The following TRIM66 variants were observed in gnomAD, a reference collection of about 807,000 sequenced individuals.
The protein encoded by TRIM66 is tripartite motif containing 66, also known as tripartite motif-containing protein 66.
In TRIM66, 99 loss-of-function variants were observed where a neutral mutation model predicts 148.2. That is an observed-to-expected ratio of 0.67 (90% CI 0.57 to 0.79). The LOEUF (loss-of-function observed/expected upper bound fraction) is 0.79. Ranked by LOEUF, TRIM66 falls within the 30% of genes least tolerant of loss-of-function variation. The pLI, the probability that TRIM66 is intolerant of heterozygous loss-of-function variation, is 0.00. For synonymous variants in TRIM66, 616 were observed against 635.9 expected (o/e 0.97, Z 0.47); for missense variants, 1,666 against 1,697.9 (o/e 0.98, Z 0.33).
Position 8,640,773 on chromosome 11 carries a change from G to A in TRIM66, c.1602C>T (p.Thr534=). The A allele has an allele frequency of 1.3e-6, 2 of 1,551,306 alleles. No homozygotes were observed. Among genetic ancestry groups the A allele is most frequent in the South Asian group, 1.2e-5 (1 of 84,038 alleles). The change falls in exon 14 of 25, where the codon ACC becomes ACT. Residue 534 remains threonine (T), a synonymous_variant. Coordinates refer to ENST00000646038, the MANE Select transcript of TRIM66 (RefSeq NM_001388022.1). ...TGCTCTCCTGCTCCACGGGGGGCTGGGTTTCCAGCCAGGGCTGCAGCAGCT... is the reference window on the plus strand; with the variant it reads ...TGCTCTCCTGCTCCACGGGGGGCTGAGTTTCCAGCCAGGGCTGCAGCAGCT... ...PPKLLQPWLE[T]QPPVEQESTS...
rs141259325 is a variant in TRIM66, at chr11:8,648,360, C to G, written c.725+56G>C. 753 of 1,536,514 alleles carry G rather than the reference C, an allele frequency of 4.9e-4. 2 individuals are homozygous for G. In the African/African-American group the frequency reaches 9.5e-3, roughly 19 times the overall value. On this transcript the variant is annotated intron_variant, in intron 9 of 24. Transcript: ENST00000646038. ...TGCACGGGGATTCCCAGAGCTCTCACAAGTAAGAAATCCAGAGCCCTCCCC... is the reference window on the plus strand; with the variant it reads ...TGCACGGGGATTCCCAGAGCTCTCAGAAGTAAGAAATCCAGAGCCCTCCCC...
intron 6 of TRIM66, among the ~76,000 whole-genome samples, chr11:8,670,306 C>G (rs1292015784): frequency 6.6e-6 from 1 of 152,170 alleles, no homozygotes; most frequent in East Asian, 1.9e-4. Context: ...GCCACTGCAC[C>G]AGGCCTGATA....
intron 15 of TRIM66, among the ~76,000 whole-genome samples, chr11:8,635,134 G>A (rs980767251): frequency 6.6e-6 from 1 of 152,206 alleles, no homozygotes; most frequent in Non-Finnish European, 1.5e-5. Flanking sequence ...AGAAAGAGAA[G>A]CAATTTAACC....
chr11:8,646,682 C>A, intron 10 of TRIM66, 121 bp from the exon 11 acceptor site: 2 of 691,594 alleles, frequency 2.9e-6, no homozygotes, highest in Admixed American at 5.4e-5. Flanking sequence ...CTAGCAGACA[C>A]CAAATACAAA....
At chr11:8,670,265 G>C (rs1297965405) in intron 6 of TRIM66, among the ~76,000 whole-genome samples, 1 of 152,086 alleles carries the variant, frequency 6.6e-6, no homozygotes, top group East Asian at 1.9e-4. Context: ...CGCTGCCTTG[G>C]CCTCCCAAAG....
At position 8,682,655 on chromosome 11, in the gene TRIM66, A is replaced by G. The variant is rs1212259872; in HGVS notation, c.-602T>C. On this transcript the variant is annotated 5_prime_UTR_variant, in exon 1 of 25. Coordinates refer to ENST00000646038, the MANE Select transcript of TRIM66 (RefSeq NM_001388022.1). ...CGTGATGGGGGATCACCACCCTCAGAAAGAGGAAGCGACTAGCAGGCGCGC... is the reference window on the plus strand; with the variant it reads ...CGTGATGGGGGATCACCACCCTCAGGAAGAGGAAGCGACTAGCAGGCGCGC... The G allele has an allele frequency of 1.1e-5, 9 of 803,770 alleles. No homozygotes were observed. The highest frequency in any genetic ancestry group is 1.0e-4 in the East Asian group (4 of 39,764). The allele number at this position is 803,770 out of a possible 1,614,324, so 49.8% of individuals were successfully genotyped here.
In TRIM66 at chr11:8,621,627, G is replaced by C. The variant is rs2034224414; in HGVS notation, c.3255+18C>G. On this transcript the variant is annotated intron_variant, in intron 19 of 24. Transcript: ENST00000646038. Reference sequence around the variant, plus strand: ...AGGCTGGGCCAGGGTTTAAGGCCAAGGCAAAGCAAAGTGGTACCTTAATGG... The same window carrying C: ...AGGCTGGGCCAGGGTTTAAGGCCAACGCAAAGCAAAGTGGTACCTTAATGG... 6.6e-7 allele frequency: 1 copy of C among 1,507,578 alleles called. No individual in the cohort carries two copies. The highest frequency in any genetic ancestry group is 8.9e-7 in the Non-Finnish European group (1 of 1,128,158). 93.4% of individuals were successfully genotyped at this position (1,507,578 alleles called of 1,614,324 possible).
Position 8,619,553 on chromosome 11 carries a change from G to A in TRIM66, c.3748-18C>T, listed in dbSNP as rs1591996362. On this transcript the variant is annotated intron_variant, in intron 22 of 24. Coordinates refer to ENST00000646038, the MANE Select transcript of TRIM66 (RefSeq NM_001388022.1). The stretch of plus-strand genomic sequence containing the variant: ...TGCCGGGCCTTGGGGGAGGAGACAT[G>A]AGGAGAAGGAGGCAAAGGGAGTGAG... 6.6e-7 allele frequency: 1 copy of A among 1,516,638 alleles called. No homozygotes were observed. Among genetic ancestry groups the A allele is most frequent in the Non-Finnish European group, 8.8e-7 (1 of 1,131,550 alleles). The allele number at this position is 1,516,638 out of a possible 1,614,324, so 93.9% of individuals were successfully genotyped here.
At position 8,640,625 on chromosome 11, in the gene TRIM66, CA is replaced by C. The variant is rs1256260226; in HGVS notation, c.1749del (p.Phe583LeufsTer7). 6.4e-7 allele frequency: 1 copy of C among 1,551,524 alleles called. No homozygotes were observed. The highest frequency in any genetic ancestry group is 2.0e-5 in the Admixed American group (1 of 50,982). On this transcript the variant is annotated frameshift_variant, in exon 14 of 25. Transcript: ENST00000646038. LOFTEE classifies it high-confidence loss of function. ...TLQTPSIQVQ[F>X]GHHQKLKLSH... Reference sequence around the variant, plus strand: ...CTGAGCTTCAGCTTCTGGTGGTGGCCAAACTGGACTTGGATAGAGGGTGTCT... The same window carrying C: ...CTGAGCTTCAGCTTCTGGTGGTGGCCAACTGGACTTGGATAGAGGGTGTCT...
In TRIM66 at chr11:8,646,439, A is replaced by G; in HGVS notation, c.957+8T>C. 6.5e-7 allele frequency: 1 copy of G among 1,550,062 alleles called. No individual in the cohort carries two copies. The highest frequency in any genetic ancestry group is 8.7e-7 in the Non-Finnish European group (1 of 1,145,138). On this transcript the variant is annotated splice_region_variant and intron_variant, in intron 11 of 24. Transcript: ENST00000646038. Reference sequence around the variant, plus strand: ...ACCCAACCATCTGATCCATCTGTCTATACATACCTCTAATTCCTCTATTAG... The same window carrying G: ...ACCCAACCATCTGATCCATCTGTCTGTACATACCTCTAATTCCTCTATTAG...
chr11:8,627,310 G>C (rs1022201706), intron 15 of TRIM66, among the ~76,000 whole-genome samples: 1 of 152,162 alleles, frequency 6.6e-6, no homozygotes, highest in African/African-American at 2.4e-5. Context: ...TTAGCCAAAT[G>C]AACAGCAGCT....
chr11:8,645,291 C>A (rs1466186353), intron 12 of TRIM66, among the ~76,000 whole-genome samples: 1 of 152,184 alleles, frequency 6.6e-6, no homozygotes, highest in Non-Finnish European at 1.5e-5. Flanking sequence ...CGACTTCTCT[C>A]AAAATTCTTG....
intron 6 of TRIM66, among the ~76,000 whole-genome samples, chr11:8,652,502 A>T (rs7123627): frequency 0.95 from 144,837 of 152,182 alleles, 69,339 homozygotes; most frequent in East Asian, 1. Context: ...CTCCCCATAG[A>T]CCAAGTTAGA....
Position 8,632,564 on chromosome 11 carries a change from T to G in TRIM66, c.2310+6090A>C, listed in dbSNP as rs187220603. ...TCTCCACCTCCTAAGTTCAAGTGAT[T>G]CTCCTGCCTCAGCCTCCCAAGTAGC... On this transcript the variant is annotated intron_variant, in intron 15 of 24. Coordinates refer to ENST00000646038, the MANE Select transcript of TRIM66 (RefSeq NM_001388022.1). Among the ~76,000 whole-genome samples the G allele has an allele frequency of 3.4e-5, 5 of 148,174 alleles. No individual in the cohort carries two copies. In the East Asian group the frequency reaches 8.3e-4, roughly 24 times the overall value.
chr11:8,677,527 C>A (rs1473841932), intron 3 of TRIM66, among the ~76,000 whole-genome samples: 2 of 151,938 alleles, frequency 1.3e-5, no homozygotes, highest in African/African-American at 2.4e-5. Flanking sequence ...GCCTGTAATC[C>A]CAGTGCTTTG....
rs1338659096 is a variant in TRIM66, at chr11:8,646,508, G to A, written c.896C>T (p.Ala299Val). Residue 299 changes from alanine to valine, a missense_variant, in exon 11 of 25, where the codon GCC becomes GTC. Coordinates refer to ENST00000646038, the MANE Select transcript of TRIM66 (RefSeq NM_001388022.1). ...CAGCTCATTCATCAGAACCATCTTGGCCATTTTGATCTGGTTTTCCACCTT... is the reference window on the plus strand; with the variant it reads ...CAGCTCATTCATCAGAACCATCTTGACCATTTTGATCTGGTTTTCCACCTT... The part of the protein sequence containing the change: ...HRKVENQIKM[A>V]KMVLMNELNK... The A allele has an allele frequency of 6.4e-7, 1 of 1,552,022 alleles. No individual in the cohort carries two copies. Among genetic ancestry groups the A allele is most frequent in the Non-Finnish European group, 8.7e-7 (1 of 1,147,060 alleles).
At chr11:8,650,587 C>T (rs112580255) in intron 7 of TRIM66, among the ~76,000 whole-genome samples, 4 of 152,064 alleles carry the variant, frequency 2.6e-5, no homozygotes, top group African/African-American at 9.7e-5. Context: ...CACCCAGATG[C>T]GTAAGCCAAG....
intron 14 of TRIM66, 74 bp from the exon 15 acceptor site, chr11:8,638,889 C>G: frequency 6.8e-7 from 1 of 1,465,702 alleles, no homozygotes; most frequent in Non-Finnish European, 9.2e-7. Flanking sequence ...GCAGCAAAGG[C>G]TAGTGCTCAC....
In TRIM66 at chr11:8,675,800, G is replaced by A. The variant is rs537964753; in HGVS notation, c.-189-917C>T. On this transcript the variant is annotated intron_variant, in intron 3 of 24. Transcript: ENST00000646038. ...TGTCGTCAGGCTGGAGTGCAGTGGCGTGATCTTGATTCACTGCAACCTCCG... is the reference window on the plus strand; with the variant it reads ...TGTCGTCAGGCTGGAGTGCAGTGGCATGATCTTGATTCACTGCAACCTCCG... 9.2e-5 allele frequency among the ~76,000 whole-genome samples: 14 copies of A among 151,756 alleles called. No individual in the cohort carries two copies. In the East Asian group the frequency reaches 9.7e-4, roughly 11 times the overall value.
Sources: allele counts gnomAD v4.1 joint callset (sites outside exome capture counted in the v4.1 genomes callset), GRCh38; gene constraint gnomAD v4.1.1; transcripts MANE v1.5; gene names NCBI Gene and HGNC (gene_info 2026-07-23, HGNC 2026-07-21).